WDR74: variants seen among roughly 807,000 people sequenced by gnomAD.
WDR74 encodes WD repeat-containing protein 74.
Under a neutral mutation model 45.6 loss-of-function variants are expected in WDR74, and 31 were observed. The observed-to-expected ratio is 0.68, with a 90% CI of 0.51 to 0.92. The LOEUF is 0.92. Ranked by LOEUF, WDR74 falls within the 40% of genes least tolerant of loss-of-function variation. WDR74 has a pLI of 0.00. For synonymous variants in WDR74, 191 were observed against 192.4 expected, an observed-to-expected ratio of 0.99 and a Z score of 0.06; for missense variants, 455 against 497.2, an observed-to-expected ratio of 0.92 and a Z score of 0.81.
At chr11:62,841,475 C>A (rs1017410592), upstream of WDR74, 2 of 152,196 alleles carry the variant, frequency 1.3e-5, no homozygotes, top group African/African-American at 2.4e-5. Context: ...AACCTTCTCT[C>A]AACAAGACAC....
At chr11:62,839,484 C>T (rs371820946) in intron 1 of WDR74, 23 bp downstream of exon 1, 1 of 1,613,608 alleles carries the variant, frequency 6.2e-7, no homozygotes, top group Admixed American at 1.7e-5. Flanking sequence ...CTGCACTTCC[C>T]GACGCCCGAG....
upstream of WDR74, among the ~76,000 whole-genome samples, chr11:62,841,171 G>A (rs1343065453): frequency 6.6e-6 from 1 of 152,134 alleles, no homozygotes. Flanking sequence ...ATAAAAATTC[G>A]CTGGGCGTGG....
intron 6 of WDR74, 124 bp downstream of exon 6, chr11:62,835,307 C>T (rs752347889): frequency 1.9e-5 from 16 of 828,258 alleles, no homozygotes; most frequent in Admixed American, 1.4e-4. Context: ...TTGGAACAGA[C>T]GGGGAAGCGC....
At chr11:62,834,101 C>T in intron 8 of WDR74, 164 bp from the exon 9 acceptor site, 1 of 1,398,180 alleles carries the variant, frequency 7.2e-7, no homozygotes, top group Non-Finnish European at 9.9e-7. Context: ...AACTAAGGCA[C>T]AGGGAGTTGA....
chr11:62,838,688 G>A (rs1369539611), intron 3 of WDR74, among the ~76,000 whole-genome samples: 4 of 151,576 alleles, frequency 2.6e-5, no homozygotes, highest in African/African-American at 9.7e-5. Flanking sequence ...AACCCGGGAG[G>A]CGGAGGTTGC....
At position 62,835,813 on chromosome 11, in the gene WDR74, AC is replaced by A. The variant is rs1478792475; in HGVS notation, c.397del (p.Val133CysfsTer23). 2 of 1,611,982 alleles carry A rather than the reference AC, an allele frequency of 1.2e-6. No individual in the cohort carries two copies. Among genetic ancestry groups the A allele is most frequent in the Non-Finnish European group, 1.7e-6 (2 of 1,179,188 alleles). Reference protein sequence around the residue: ...PLLELRVGPGVCRMRQDPAHP... With the variant: ...PLLELRVGPGXCRMRQDPAHP... ...TGCTGGGTCTTGGCGCATCCTACAC[AC>A]CCCAGGGCCCACTCTCAGTTCCAGG... On this transcript the variant is annotated frameshift_variant, in exon 5 of 11. Transcript: ENST00000278856. LOFTEE classifies it high-confidence loss of function.
intron 3 of WDR74, chr11:62,836,381 C>T: frequency 3.4e-6 from 1 of 297,370 alleles, no homozygotes; most frequent in South Asian, 3.4e-5. Flanking sequence ...GAAATCAACT[C>T]TGTGATATTC....
chr11:62,841,578 T>TC (rs2085056724), upstream of WDR74: 1 of 152,148 alleles, frequency 6.6e-6, no homozygotes, highest in African/African-American at 2.4e-5. Context: ...CCCTAACTGA[T>TC]CGAAATCTTC....
chr11:62,840,478 C>CA (rs56720090), upstream of WDR74: 2,759 of 121,234 alleles, frequency 0.023, 66 homozygotes, highest in African/African-American at 0.064. Context: ...GACTCCGTCT[C>CA]AAAAAAAAAA....
chr11:62,836,147 A>G, intron 3 of WDR74, 111 bp from the exon 4 acceptor site: 3 of 1,129,244 alleles, frequency 2.7e-6, no homozygotes, highest in Non-Finnish European at 3.9e-6. Context: ...AAAAAAAAGT[A>G]TAAAAGTATT....
rs1565219628 is a variant in WDR74, at chr11:62,833,002, G to C, written c.1108C>G (p.Leu370Val). The change falls in exon 11 of 11, where the codon CTC becomes GTC. Residue 370 changes from leucine (L) to valine (V), a missense_variant. Coordinates refer to ENST00000278856, the MANE Select transcript of WDR74 (RefSeq NM_001369450.1). ...LSGLEQPQGALQTRRRKKKRP... is the reference protein window; with the variant it reads ...LSGLEQPQGAVQTRRRKKKRP... Reference sequence around the variant, plus strand: ...TTCTTCTTTCTCCGTCTCGTTTGGAGAGCTCCTTGGGGCTGCTCCAAACCC... The same window carrying C: ...TTCTTCTTTCTCCGTCTCGTTTGGACAGCTCCTTGGGGCTGCTCCAAACCC... The C allele has an allele frequency of 6.2e-7, 1 of 1,610,522 alleles. No individual in the cohort carries two copies. The highest frequency in any genetic ancestry group is 8.5e-7 in the Non-Finnish European group (1 of 1,178,638).
chr11:62,841,564 T>C (rs560054465), upstream of WDR74: 21 of 152,282 alleles, frequency 1.4e-4, no homozygotes, highest in East Asian at 7.7e-4. Flanking sequence ...CTATTTAGCT[T>C]GTACCCTAAC....
At chr11:62,835,321 C>T in intron 6 of WDR74, 110 bp downstream of exon 6, 2 of 973,132 alleles carry the variant, frequency 2.1e-6, no homozygotes, top group South Asian at 1.5e-5. Flanking sequence ...GAAGCGCTTG[C>T]TCCTCTGAAC....
chr11:62,841,190 GCCTGTAGTC>G (rs1303289288), upstream of WDR74, among the ~76,000 whole-genome samples: 3 of 152,160 alleles, frequency 2.0e-5, no homozygotes, highest in Non-Finnish European at 4.4e-5. Flanking sequence ...GGTGGCGGGC[GCCTGTAGTC>G]CCAGCCACTC....
At chr11:62,841,307 A>ACT (rs2085043317), upstream of WDR74, among the ~76,000 whole-genome samples, 2 of 151,990 alleles carry the variant, frequency 1.3e-5, no homozygotes, top group African/African-American at 4.8e-5. Flanking sequence ...ACAGAGCAAG[A>ACT]CGACGTCTCA....
At chr11:62,836,148 T>C (rs1035046007) in intron 3 of WDR74, 112 bp from the exon 4 acceptor site, 1 of 1,126,868 alleles carries the variant, frequency 8.9e-7, no homozygotes, top group South Asian at 1.4e-5. Flanking sequence ...AAAAAAAGTA[T>C]AAAAGTATTC....
chr11:62,839,517 C>A lies in WDR74; in HGVS notation c.54G>T (p.Gly18=), dbSNP rs754333816. The A allele has an allele frequency of 2.5e-6, 4 of 1,613,688 alleles. No individual in the cohort carries two copies. Among genetic ancestry groups the A allele is most frequent in the Non-Finnish European group, 3.4e-6 (4 of 1,179,870 alleles). The change falls in exon 1 of 11, where the codon GGG becomes GGT. Residue 18 remains glycine (G), a synonymous_variant. Transcript: ENST00000278856. The part of the protein sequence containing the change: ...WNHVWVGTET[G]ILKGVNLQRK... Reference sequence around the variant, plus strand: ...GAGCCTGCCACCCACCTTTCAAGATCCCAGTCTCGGTGCCGACCCACACAT... The same window carrying A: ...GAGCCTGCCACCCACCTTTCAAGATACCAGTCTCGGTGCCGACCCACACAT...
At chr11:62,835,668 C>G in intron 5 of WDR74, 27 bp downstream of exon 5, 1 of 1,613,958 alleles carries the variant, frequency 6.2e-7, no homozygotes, top group South Asian at 1.1e-5. Context: ...ACTTCAGGAA[C>G]AGCTCCTTCA....
rs1179616390 is a variant in WDR74, at chr11:62,839,581, G to A, written c.-11C>T. 36 of 1,602,720 alleles carry A rather than the reference G, an allele frequency of 2.2e-5. No homozygotes were observed. Among genetic ancestry groups the A allele is most frequent in the Non-Finnish European group, 3.0e-5 (35 of 1,173,762 alleles). On this transcript the variant is annotated 5_prime_UTR_variant, in exon 1 of 11. Coordinates refer to ENST00000278856, the MANE Select transcript of WDR74 (RefSeq NM_001369450.1). Reference sequence around the variant, plus strand: ...AGCAGCAGCCGCCATGACAAAGCCTGGAGGCAGACAGTTCACACTTCCGGC... The same window carrying A: ...AGCAGCAGCCGCCATGACAAAGCCTAGAGGCAGACAGTTCACACTTCCGGC...
Sources: allele counts gnomAD v4.1 joint callset (sites outside exome capture counted in the v4.1 genomes callset), GRCh38; gene constraint gnomAD v4.1.1; transcripts MANE v1.5; gene names NCBI Gene and HGNC (gene_info 2026-07-23, HGNC 2026-07-21).